Variants in HCLS1 observed in about 807,000 individuals in gnomAD.
HCLS1 encodes hematopoietic cell-specific Lyn substrate 1.
A neutral mutation model predicts 68.6 loss-of-function variants in HCLS1; 44 were observed. The ratio of observed to expected loss-of-function variants is 0.64; its 90% CI spans 0.50 to 0.82. HCLS1 has a LOEUF of 0.82. Ranked by LOEUF, HCLS1 falls within the 40% of genes least tolerant of loss-of-function variation. The probability of loss-of-function intolerance (pLI) is 0.00; values close to 1 mark genes in which losing one functional copy is unlikely to be tolerated. For missense variants in HCLS1, 602 were observed against 612.1 expected, an observed-to-expected ratio of 0.98 and a Z score of 0.17; for synonymous variants, 217 against 225.8, an observed-to-expected ratio of 0.96 and a Z score of 0.35.
At chr3:121,656,244 CAT>C in intron 3 of HCLS1, 1 of 152,338 alleles carries the variant, frequency 6.6e-6, no homozygotes, top group East Asian at 1.9e-4. Context: ...GCAATGTGGT[CAT>C]CCACTGACAC....
rs777497606 is a variant in HCLS1 at position 121,634,223 on chromosome 3, T to C, written c.887A>G (p.Lys296Arg). 3.1e-6 allele frequency: 5 copies of C among 1,614,204 alleles called. No homozygotes were observed. In the South Asian group the frequency reaches 3.3e-5, roughly 11 times the overall value. Reference protein sequence around the residue: ...EEPAVPAPLPKKISSEAWPPV... With the variant: ...EEPAVPAPLPRKISSEAWPPV... ...GGCGCTCACCTCTGAGGAGATTTTC[T>C]TGGGCAGTGGGGCCGGTACTGCTGG... The change falls in exon 10 of 14, where the codon AAG becomes AGG. Residue 296 changes from lysine to arginine, a missense_variant. Transcript: ENST00000314583.
intron 3 of HCLS1, among the ~76,000 whole-genome samples, chr3:121,650,506 T>C (rs189787600): frequency 9.3e-4 from 142 of 152,100 alleles, no homozygotes; most frequent in African/African-American, 3.1e-3. Context: ...AGTCCAGAAA[T>C]AGACCCACAT....
chr3:121,646,523 ATATATAAG>A (rs1280177737), intron 4 of HCLS1, among the ~76,000 whole-genome samples: 10 of 108,222 alleles, frequency 9.2e-5, no homozygotes, highest in South Asian at 5.2e-4. Flanking sequence ...AGTATCTGTT[ATATATAAG>A]TATATAAGTA....
intron 2 of HCLS1, chr3:121,658,040 A>C: frequency 2.0e-6 from 1 of 504,658 alleles, no homozygotes; most frequent in East Asian, 3.4e-5. Flanking sequence ...CCTGTCAATC[A>C]CACTGTCAAA....
intron 6 of HCLS1, among the ~76,000 whole-genome samples, chr3:121,641,485 C>A (rs1209038478): frequency 6.6e-6 from 1 of 152,032 alleles, no homozygotes; most frequent in African/African-American, 2.4e-5. Context: ...TAGGTAAATA[C>A]CTTGGTCAAT....
chr3:121,644,994 A>C, intron 4 of HCLS1, 66 bp from the exon 5 acceptor site: 1 of 1,177,206 alleles, frequency 8.5e-7, no homozygotes, highest in Non-Finnish European at 1.3e-6. Context: ...AAATACAGAT[A>C]TGGAGTGGGA....
At chr3:121,646,933 A>AAT (rs1314342611) in intron 4 of HCLS1, among the ~76,000 whole-genome samples, 1 of 145,806 alleles carries the variant, frequency 6.9e-6, no homozygotes, top group East Asian at 2.0e-4. Context: ...TATTTACAAA[A>AAT]TATATAAGTA....
intron 4 of HCLS1, 60 bp from the exon 5 acceptor site, chr3:121,644,988 A>C: frequency 7.8e-7 from 1 of 1,275,290 alleles, no homozygotes; most frequent in Non-Finnish European, 1.1e-6. Flanking sequence ...AAAAATAAAT[A>C]CAGATATGGA....
rs757104479 is a variant in HCLS1, at chr3:121,632,145, A to ACAGCCCCAGCCC, written c.1268_1279dup (p.Gly423_Ala426dup). ...AGCCACAGCTGAGATCCCCAGAGCCACAGCCCCAGCCCCAGCCCCAGCCGG... is the reference window on the plus strand; with the variant it reads ...AGCCACAGCTGAGATCCCCAGAGCCACAGCCCCAGCCCCAGCCCCAGCCCCAGCCCCAGCCGG... On this transcript the variant is annotated inframe_insertion, in exon 13 of 14. Coordinates refer to ENST00000314583, the MANE Select transcript of HCLS1 (RefSeq NM_005335.6). 1.9e-6 allele frequency: 3 copies of ACAGCCCCAGCCC among 1,612,594 alleles called. No individual in the cohort carries two copies. Among genetic ancestry groups the ACAGCCCCAGCCC allele is most frequent in the East Asian group, 2.2e-5 (1 of 44,884 alleles).
chr3:121,632,656 C>G, intron 11 of HCLS1, 93 bp from the exon 12 acceptor site: 1 of 1,036,242 alleles, frequency 9.7e-7, no homozygotes. Context: ...ACCACCCTGC[C>G]TCTTCTCCCC....
chr3:121,644,833 C>T lies in HCLS1; in HGVS notation c.384G>A (p.Arg128=), dbSNP rs34440810. The part of the protein sequence containing the change: ...KGFGGKYGVE[R]DRADKSAVGF... ...GGTCACTTACCTTGTCTGCCCTGTC[C>T]CTCTCAACTCCGTACTTGCCCCCAA... Residue 128 remains arginine, a synonymous_variant, in exon 5 of 14, where the codon AGG becomes AGA. Coordinates refer to ENST00000314583, the MANE Select transcript of HCLS1 (RefSeq NM_005335.6). 199,711 of 1,611,836 alleles carry T rather than the reference C, an allele frequency of 0.12. 14,276 individuals carry two copies. The highest frequency in any genetic ancestry group is 0.15 in the Non-Finnish European group (171,699 of 1,177,968).
At chr3:121,646,832 ATTAT>A (rs1320971024) in intron 4 of HCLS1, among the ~76,000 whole-genome samples, 1 of 141,302 alleles carries the variant, frequency 7.1e-6, no homozygotes, top group African/African-American at 2.6e-5. Context: ...TATAGAGCCA[ATTAT>A]TTATTATAGA....
chr3:121,657,250 T>C (rs1412407883), intron 3 of HCLS1, 29 bp downstream of exon 3: 2 of 1,599,784 alleles, frequency 1.3e-6, no homozygotes, highest in Non-Finnish European at 1.7e-6. Context: ...ATAACCCCCT[T>C]CCTTTTCTCC....
rs542844069 is a variant in HCLS1, at chr3:121,657,066, G to A, written c.158+213C>T. ...GTTAGGTATAAAAGATAGATAATAG[G>A]GTTGAGGAGGGTAAGAGGAGAGACA... is the stretch of plus-strand genomic sequence containing the variant. On this transcript the variant is annotated intron_variant, in intron 3 of 13. Coordinates refer to ENST00000314583, the MANE Select transcript of HCLS1 (RefSeq NM_005335.6). The A allele has an allele frequency of 1.4e-4, 68 of 475,110 alleles. No homozygotes were observed. In the Admixed American group the frequency reaches 2.4e-3, roughly 17 times the overall value. 29.4% of individuals were successfully genotyped at this position (475,110 alleles called of 1,614,324 possible).
intron 3 of HCLS1, chr3:121,657,075 G>C: frequency 2.0e-6 from 1 of 511,172 alleles, no homozygotes; most frequent in Non-Finnish European, 3.5e-6. Context: ...GGGTTGAGGA[G>C]GGTAAGAGGA....
chr3:121,637,878 G>A (rs2049164698), intron 6 of HCLS1, among the ~76,000 whole-genome samples: 1 of 151,808 alleles, frequency 6.6e-6, no homozygotes, highest in South Asian at 2.1e-4. Context: ...GGAGGTTGCA[G>A]TGAGCCAAGA....
At chr3:121,637,546 A>AG (rs1196890143) in intron 6 of HCLS1, among the ~76,000 whole-genome samples, 3 of 149,480 alleles carry the variant, frequency 2.0e-5, no homozygotes, top group Non-Finnish European at 4.5e-5. Flanking sequence ...AGGAGATTGC[A>AG]GAAAAAAAAA....
At chr3:121,644,554 C>T (rs1350359711) in intron 5 of HCLS1, 1 of 576,910 alleles carries the variant, frequency 1.7e-6, no homozygotes. Flanking sequence ...TAATAAAAAC[C>T]AGTGGCTTGA....
intron 8 of HCLS1, 39 bp from the exon 9 acceptor site, chr3:121,635,843 G>C: frequency 6.4e-7 from 1 of 1,564,840 alleles, no homozygotes; most frequent in Non-Finnish European, 8.8e-7. Context: ...GCGGGAGAGG[G>C]GCAAGGGTAG....
Sources: allele counts gnomAD v4.1 joint callset (sites outside exome capture counted in the v4.1 genomes callset), GRCh38; gene constraint gnomAD v4.1.1; transcripts MANE v1.5; gene names NCBI Gene and HGNC (gene_info 2026-07-23, HGNC 2026-07-21).